UNC5D: variants seen among roughly 807,000 people sequenced by gnomAD.
The protein encoded by UNC5D is unc-5 netrin receptor D.
UNC5D carries 39 observed loss-of-function variants against 105.4 expected under a neutral mutation model. That is an observed-to-expected ratio of 0.37 (90% CI 0.29 to 0.48). The LOEUF is 0.48. UNC5D is among the 20% of genes least tolerant of loss of function. The probability of loss-of-function intolerance (pLI) is 0.98; values close to 1 mark genes in which losing one functional copy is unlikely to be tolerated. For synonymous variants in UNC5D, 452 were observed against 450.4 expected (o/e 1.00, Z -0.04); for missense variants, 991 against 1,202.4 (o/e 0.82, Z 2.60).
At chr8:35,422,517 G>A (rs190527071) in intron 1 of UNC5D, among the ~76,000 whole-genome samples, 1 of 152,314 alleles carries the variant, frequency 6.6e-6, no homozygotes, top group Admixed American at 6.5e-5. Context: ...CAGGAGAATT[G>A]CCTCTGCAAT....
chr8:35,442,904 TCACACA>T (rs373759766), intron 1 of UNC5D, among the ~76,000 whole-genome samples: 7,778 of 141,262 alleles, frequency 0.055, 271 homozygotes, highest in East Asian at 0.15. Flanking sequence ...TCTCTCTCTC[TCACACA>T]CACACACACA....
At chr8:35,247,093 G>C (rs1803153110) in intron 1 of UNC5D, among the ~76,000 whole-genome samples, 1 of 151,960 alleles carries the variant, frequency 6.6e-6, no homozygotes, top group African/African-American at 2.4e-5. Flanking sequence ...TTTTCTCAGT[G>C]TTGTCCTTGC....
intron 1 of UNC5D, among the ~76,000 whole-genome samples, chr8:35,315,958 C>T (rs1809271518): frequency 6.6e-6 from 1 of 152,050 alleles, no homozygotes; most frequent in African/African-American, 2.4e-5. Flanking sequence ...CATTGGAGAG[C>T]CATTGAAAAA....
At chr8:35,424,407 T>TA (rs1347347155) in intron 1 of UNC5D, among the ~76,000 whole-genome samples, 1 of 152,238 alleles carries the variant, frequency 6.6e-6, no homozygotes, top group Non-Finnish European at 1.5e-5. Context: ...ATTTTACACT[T>TA]ACAATAAATC....
chr8:35,670,632 C>A (rs183261957), intron 4 of UNC5D, among the ~76,000 whole-genome samples: 1 of 152,230 alleles, frequency 6.6e-6, no homozygotes, highest in East Asian at 1.9e-4. Flanking sequence ...ACTGCATGTT[C>A]TCACTTATAA....
At chr8:35,274,503 G>A (rs1293509972) in intron 1 of UNC5D, among the ~76,000 whole-genome samples, 1 of 152,194 alleles carries the variant, frequency 6.6e-6, no homozygotes, top group Non-Finnish European at 1.5e-5. Flanking sequence ...TTGTGAGTGT[G>A]CACATGTGTC....
At chr8:35,470,231 G>A (rs990025864) in intron 1 of UNC5D, among the ~76,000 whole-genome samples, 1 of 152,066 alleles carries the variant, frequency 6.6e-6, no homozygotes, top group Non-Finnish European at 1.5e-5. Flanking sequence ...TGGCTTGTAA[G>A]CACCTCAGGA....
chr8:35,383,352 A>G (rs1803160246), intron 1 of UNC5D, among the ~76,000 whole-genome samples: 1 of 152,242 alleles, frequency 6.6e-6, no homozygotes, highest in Admixed American at 6.5e-5. Context: ...TCTATACGTA[A>G]TATAGTAATT....
chr8:35,435,548 G>A (rs1258413159), intron 1 of UNC5D, among the ~76,000 whole-genome samples: 2 of 151,994 alleles, frequency 1.3e-5, no homozygotes, highest in Non-Finnish European at 2.9e-5. Context: ...TAATCCAATT[G>A]ACTACATCAT....
chr8:35,466,554 A>T (rs1170396152), intron 1 of UNC5D, among the ~76,000 whole-genome samples: 1 of 152,198 alleles, frequency 6.6e-6, no homozygotes, highest in Non-Finnish European at 1.5e-5. Flanking sequence ...AGAGTCCTAA[A>T]TGCCCACAAG....
chr8:35,645,099 G>C (rs553679836), intron 4 of UNC5D, among the ~76,000 whole-genome samples: 2 of 152,232 alleles, frequency 1.3e-5, no homozygotes, highest in Non-Finnish European at 2.9e-5. Flanking sequence ...CTCTGGCACA[G>C]TGAGAGTTCA....
chr8:35,662,099 G>A (rs1456501789), intron 4 of UNC5D, among the ~76,000 whole-genome samples: 1 of 150,116 alleles, frequency 6.7e-6, no homozygotes, highest in Non-Finnish European at 1.5e-5. Flanking sequence ...ATCCATTCCA[G>A]CATTTTCTCT....
At chr8:35,466,270 A>G (rs1809298648) in intron 1 of UNC5D, among the ~76,000 whole-genome samples, 1 of 152,142 alleles carries the variant, frequency 6.6e-6, no homozygotes, top group Non-Finnish European at 1.5e-5. Flanking sequence ...CTGCTCCAAG[A>G]CTTCCCAGAT....
intron 4 of UNC5D, among the ~76,000 whole-genome samples, chr8:35,608,736 G>A (rs1208689630): frequency 6.6e-6 from 1 of 152,140 alleles, no homozygotes; most frequent in Non-Finnish European, 1.5e-5. Context: ...TTCCATTCAT[G>A]TTGTTTCAAA....
At chr8:35,689,622 G>C (rs1826253875) in intron 7 of UNC5D, among the ~76,000 whole-genome samples, 12 of 152,224 alleles carry the variant, frequency 7.9e-5, no homozygotes, top group Admixed American at 7.9e-4. Context: ...TGATGGCCCA[G>C]TTGGAAGGCT....
intron 1 of UNC5D, among the ~76,000 whole-genome samples, chr8:35,449,344 A>T (rs1441249662): frequency 6.6e-6 from 1 of 151,910 alleles, no homozygotes; most frequent in African/African-American, 2.4e-5. Context: ...GGCACCTTCC[A>T]TGTCCTCTCT....
intron 4 of UNC5D, among the ~76,000 whole-genome samples, chr8:35,612,243 T>C (rs2918959): frequency 0.11 from 15,989 of 152,094 alleles, 905 homozygotes; most frequent in African/African-American, 0.14. Context: ...AGGTCAAGGG[T>C]TTTTGTCAAT....
chr8:35,718,683 G>C (rs1185820917), intron 8 of UNC5D, among the ~76,000 whole-genome samples: 2 of 152,180 alleles, frequency 1.3e-5, no homozygotes, highest in Non-Finnish European at 2.9e-5. Context: ...AGTGATACAA[G>C]TTGTTCAGAA....
At chr8:35,577,504 A>G (rs1372300473) in intron 3 of UNC5D, among the ~76,000 whole-genome samples, 1 of 152,266 alleles carries the variant, frequency 6.6e-6, no homozygotes, top group African/African-American at 2.4e-5. Flanking sequence ...GAGCATCAAA[A>G]TAAATGATAG....
Sources: allele counts gnomAD v4.1 joint callset (sites outside exome capture counted in the v4.1 genomes callset), GRCh38; gene constraint gnomAD v4.1.1; transcripts MANE v1.5; gene names NCBI Gene and HGNC (gene_info 2026-07-23, HGNC 2026-07-21).